The following RAI14 variants were observed in gnomAD, a reference collection of about 807,000 sequenced individuals.
RAI14 encodes the protein retinoic acid induced 14, also known as ankycorbin.
Under a neutral mutation model 115.4 loss-of-function variants are expected in RAI14, and 45 were observed. The observed-to-expected ratio is 0.39, with a 90% CI of 0.31 to 0.50. The LOEUF is 0.50. Ranked by LOEUF, RAI14 falls within the 20% of genes least tolerant of loss-of-function variation. The probability of loss-of-function intolerance (pLI) is 0.85; values close to 1 mark genes in which losing one functional copy is unlikely to be tolerated. For synonymous variants in RAI14, 371 were observed against 415.4 expected (o/e 0.89, Z 1.30); for missense variants, 939 against 1,131.2 (o/e 0.83, Z 2.44).
intron 2 of RAI14, among the ~76,000 whole-genome samples, chr5:34,720,463 TG>T (rs1470471025): frequency 4.4e-5 from 6 of 134,988 alleles, no homozygotes; most frequent in Non-Finnish European, 1.5e-5. Flanking sequence ...CAGGCTGGAG[TG>T]CAGTGGCGCA....
rs143424461 is a variant in RAI14, at chr5:34,661,491, G to A, written c.-49+5016G>A. Among the ~76,000 whole-genome samples the A allele has an allele frequency of 4.4e-3, 677 of 152,186 alleles. 11 individuals carry two copies. Among genetic ancestry groups the A allele is most frequent in the African/African-American group, 0.015 (623 of 41,518 alleles). On this transcript the variant is annotated intron_variant, in intron 1 of 17. Transcript: ENST00000265109. The stretch of plus-strand genomic sequence containing the variant: ...ACACTTACTGGATATCCTAAATGGT[G>A]CTGGTATGTGCACCATATCTCATAT...
At chr5:34,658,510 A>C (rs1467280189) in intron 1 of RAI14, among the ~76,000 whole-genome samples, 1 of 151,990 alleles carries the variant, frequency 6.6e-6, no homozygotes, top group Non-Finnish European at 1.5e-5. Flanking sequence ...AATAAAAATA[A>C]GGGCCAGGCA....
intron 1 of RAI14, among the ~76,000 whole-genome samples, chr5:34,664,211 C>G (rs971416989): frequency 6.6e-6 from 1 of 151,210 alleles, no homozygotes; most frequent in African/African-American, 2.4e-5. Context: ...ACATTTAGGC[C>G]AGGCACAGTG....
chr5:34,796,416 A>G (rs929293933), intron 4 of RAI14, among the ~76,000 whole-genome samples: 5 of 147,166 alleles, frequency 3.4e-5, no homozygotes, highest in African/African-American at 1.3e-4. Context: ...AAAAAAAATT[A>G]GAGTCTACAG....
chr5:34,657,674 G>A (rs1742384896), intron 1 of RAI14, among the ~76,000 whole-genome samples: 1 of 152,226 alleles, frequency 6.6e-6, no homozygotes, highest in African/African-American at 2.4e-5. Context: ...CTGGGATGGG[G>A]AAACGTTGCC....
At chr5:34,711,940 T>A (rs886888085) in intron 2 of RAI14, among the ~76,000 whole-genome samples, 6 of 152,214 alleles carry the variant, frequency 3.9e-5, no homozygotes, top group Middle Eastern at 3.2e-3. Flanking sequence ...CTATTTTTTT[T>A]ATTCTATCTG....
At chr5:34,760,838 T>C (rs1748554001) in intron 3 of RAI14, among the ~76,000 whole-genome samples, 1 of 152,210 alleles carries the variant, frequency 6.6e-6, no homozygotes, top group Non-Finnish European at 1.5e-5. Flanking sequence ...ACTTTCTAGT[T>C]CTAGAACTTT....
chr5:34,796,588 GA>G (rs1269744134), intron 4 of RAI14, among the ~76,000 whole-genome samples: 1 of 152,038 alleles, frequency 6.6e-6, no homozygotes, highest in East Asian at 1.9e-4. Context: ...TATTTTCTAA[GA>G]TTATATGTAC....
chr5:34,776,251 C>T (rs566374825), intron 3 of RAI14, among the ~76,000 whole-genome samples: 2 of 151,928 alleles, frequency 1.3e-5, no homozygotes, highest in Non-Finnish European at 2.9e-5. Flanking sequence ...ATGATGGTTA[C>T]CACAGGATGG....
intron 2 of RAI14, among the ~76,000 whole-genome samples, chr5:34,712,842 T>G (rs927371525): frequency 6.6e-6 from 1 of 151,996 alleles, no homozygotes; most frequent in Non-Finnish European, 1.5e-5. Context: ...AAAAGGAAGG[T>G]TGTGGGGAAG....
At chr5:34,722,611 T>C (rs1226836273) in intron 2 of RAI14, among the ~76,000 whole-genome samples, 1 of 152,150 alleles carries the variant, frequency 6.6e-6, no homozygotes, top group Non-Finnish European at 1.5e-5. Flanking sequence ...TTTGGGAGGC[T>C]GAGGCGGGCA....
At chr5:34,737,739 A>G (rs1396239107) in intron 2 of RAI14, among the ~76,000 whole-genome samples, 4 of 152,172 alleles carry the variant, frequency 2.6e-5, no homozygotes, top group African/African-American at 9.7e-5. Flanking sequence ...AGCCTGGGTG[A>G]CAGAGTGAGA....
At chr5:34,759,592 C>T (rs928496980) in intron 3 of RAI14, among the ~76,000 whole-genome samples, 2 of 152,126 alleles carry the variant, frequency 1.3e-5, no homozygotes, top group Non-Finnish European at 1.5e-5. Context: ...TCAGTGTCTC[C>T]CATCACCCCC....
rs990963348 is a variant in RAI14 at position 34,791,170 on chromosome 5, A to C, written c.168-4769A>C. Among the ~76,000 whole-genome samples, 1 of 152,042 alleles carries C rather than the reference A, an allele frequency of 6.6e-6. No individual in the cohort carries two copies. The highest frequency in any genetic ancestry group is 2.4e-5 in the African/African-American group (1 of 41,386). On this transcript the variant is annotated intron_variant, in intron 3 of 17. Coordinates refer to ENST00000265109, the MANE Select transcript of RAI14 (RefSeq NM_015577.3). The surrounding 1 kb of genome is among the most constrained non-coding windows in gnomAD (Gnocchi z 5.4). ...TTTGTATCCATGTGTGTTGGTGCCCATATGTATTGTTTGGGGTTTGGTTAT... is the reference window on the plus strand; with the variant it reads ...TTTGTATCCATGTGTGTTGGTGCCCCTATGTATTGTTTGGGGTTTGGTTAT...
At chr5:34,663,876 G>T (rs2149842296) in intron 1 of RAI14, among the ~76,000 whole-genome samples, 1 of 152,324 alleles carries the variant, frequency 6.6e-6, no homozygotes, top group South Asian at 2.1e-4. Flanking sequence ...TTTGTGCATT[G>T]TGTCTTGATT....
intron 1 of RAI14, chr5:34,685,964 C>A (rs1744821774): frequency 6.6e-6 from 1 of 152,146 alleles, no homozygotes; most frequent in Admixed American, 6.5e-5. Context: ...TAGAGAGGCC[C>A]CCTGAGGAAT....
chr5:34,746,820 ATC>A (rs1487598473), intron 2 of RAI14, among the ~76,000 whole-genome samples: 19 of 152,220 alleles, frequency 1.2e-4, no homozygotes, highest in African/African-American at 4.6e-4. Context: ...CTTGAATTGT[ATC>A]TCTCAGAATT....
At chr5:34,769,643 A>G (rs1278495274) in intron 3 of RAI14, among the ~76,000 whole-genome samples, 1 of 152,190 alleles carries the variant, frequency 6.6e-6, no homozygotes. Flanking sequence ...GAGTACACTG[A>G]AGTAAGTGAA....
chr5:34,731,487 G>C (rs1218039512), intron 2 of RAI14, among the ~76,000 whole-genome samples: 2 of 152,094 alleles, frequency 1.3e-5, no homozygotes, highest in Non-Finnish European at 2.9e-5. Flanking sequence ...CTTTAGAACG[G>C]GCAAGAGAAA....
Sources: allele counts gnomAD v4.1 joint callset (sites outside exome capture counted in the v4.1 genomes callset), GRCh38; gene constraint gnomAD v4.1.1; non-coding constraint Gnocchi (gnomAD v3.1); transcripts MANE v1.5; gene names NCBI Gene and HGNC (gene_info 2026-07-23, HGNC 2026-07-21).